PPP2R5E: variants seen among roughly 807,000 people sequenced by gnomAD.
PPP2R5E encodes the protein serine/threonine-protein phosphatase 2A 56 kDa regulatory subunit epsilon isoform.
PPP2R5E carries 4 observed loss-of-function variants against 65.3 expected under a neutral mutation model. The observed-to-expected ratio is 0.06, with a 90% CI of 0.03 to 0.14. PPP2R5E has a LOEUF of 0.14. Among genes scored for constraint, PPP2R5E ranks in the 10% least tolerant of loss-of-function variants. The pLI is 1.00. For missense variants in PPP2R5E, 274 were observed against 556.1 expected, an observed-to-expected ratio of 0.49 and a Z score of 5.10; for synonymous variants, 183 against 187.4, an observed-to-expected ratio of 0.98 and a Z score of 0.19.
intron 3 of PPP2R5E, among the ~76,000 whole-genome samples, chr14:63,437,267 A>G (rs537428393): frequency 6.6e-6 from 1 of 152,330 alleles, no homozygotes; most frequent in East Asian, 1.9e-4. Context: ...TTTAGAATAT[A>G]ATCAAGAAGT....
intron 3 of PPP2R5E, among the ~76,000 whole-genome samples, chr14:63,423,560 C>T (rs1408318052): frequency 6.6e-6 from 1 of 152,044 alleles, no homozygotes; most frequent in Non-Finnish European, 1.5e-5. Context: ...CAGGGAGGGA[C>T]AGGAGAACAT....
At chr14:63,506,095 G>A (rs1892158574) in intron 2 of PPP2R5E, among the ~76,000 whole-genome samples, 1 of 152,106 alleles carries the variant, frequency 6.6e-6, no homozygotes, top group Non-Finnish European at 1.5e-5. Context: ...GAAAATATTT[G>A]CAAATCATAT....
At chr14:63,508,788 T>C (rs1263999350) in intron 2 of PPP2R5E, among the ~76,000 whole-genome samples, 1 of 152,228 alleles carries the variant, frequency 6.6e-6, no homozygotes, top group Non-Finnish European at 1.5e-5. Flanking sequence ...TTGCTTTGCT[T>C]TCCAGCTTTC....
At chr14:63,500,125 T>C (rs1425142710) in intron 2 of PPP2R5E, among the ~76,000 whole-genome samples, 1 of 152,250 alleles carries the variant, frequency 6.6e-6, no homozygotes, top group South Asian at 2.1e-4. Context: ...TGGGTATGTT[T>C]TGGGCACTAT....
At chr14:63,522,905 A>G (rs1594969305) in intron 2 of PPP2R5E, among the ~76,000 whole-genome samples, 5 of 120,602 alleles carry the variant, frequency 4.1e-5, no homozygotes, top group South Asian at 2.9e-4. Flanking sequence ...TCCGGGAGGG[A>G]GGTCGGGGGG....
At chr14:63,504,625 CTATT>C (rs892003000) in intron 2 of PPP2R5E, among the ~76,000 whole-genome samples, 23 of 152,222 alleles carry the variant, frequency 1.5e-4, no homozygotes, top group African/African-American at 5.3e-4. Flanking sequence ...GCTTGAGAAA[CTATT>C]TACTCATCGT....
At chr14:63,530,358 G>T (rs1451161185) in intron 2 of PPP2R5E, among the ~76,000 whole-genome samples, 1 of 147,536 alleles carries the variant, frequency 6.8e-6, no homozygotes, top group Admixed American at 6.9e-5. Flanking sequence ...TCAGCCTCCC[G>T]AGTAGCTGGG....
At chr14:63,507,606 G>A (rs1892258196) in intron 2 of PPP2R5E, among the ~76,000 whole-genome samples, 1 of 123,754 alleles carries the variant, frequency 8.1e-6, no homozygotes, top group Non-Finnish European at 1.6e-5. Flanking sequence ...TTGAGACGGA[G>A]TCTTGTTCTG....
At chr14:63,525,555 G>C (rs1221559229) in intron 2 of PPP2R5E, among the ~76,000 whole-genome samples, 1 of 152,144 alleles carries the variant, frequency 6.6e-6, no homozygotes, top group East Asian at 1.9e-4. Context: ...ACCACCCAAA[G>C]CAACTGTTCC....
chr14:63,515,041 C>T (rs1892611534), intron 2 of PPP2R5E, among the ~76,000 whole-genome samples: 1 of 152,140 alleles, frequency 6.6e-6, no homozygotes, highest in Non-Finnish European at 1.5e-5. Context: ...GTGTCTTTAT[C>T]TTCAGTCTCC....
intron 5 of PPP2R5E, among the ~76,000 whole-genome samples, chr14:63,403,384 T>C (rs1377674517): frequency 2.8e-5 from 3 of 106,198 alleles, no homozygotes; most frequent in African/African-American, 1.1e-4. Context: ...CGAGAGTCTG[T>C]CTCAAAAAAA....
chr14:63,411,469 G>T (rs1886382958), intron 5 of PPP2R5E, among the ~76,000 whole-genome samples: 1 of 151,486 alleles, frequency 6.6e-6, no homozygotes, highest in African/African-American at 2.4e-5. Context: ...ATATTGCATT[G>T]ATATAGTTTG....
intron 3 of PPP2R5E, among the ~76,000 whole-genome samples, chr14:63,433,040 T>TTG (rs1887770164): frequency 7.1e-6 from 1 of 140,992 alleles, no homozygotes; most frequent in African/African-American, 2.8e-5. Context: ...TTGTTTTTTT[T>TTG]TTTTTTTTTT....
intron 2 of PPP2R5E, among the ~76,000 whole-genome samples, chr14:63,470,339 C>T (rs1172434692): frequency 1.3e-5 from 2 of 151,912 alleles, no homozygotes; most frequent in Non-Finnish European, 2.9e-5. Context: ...TCCCAAAGTG[C>T]TGGGATTACA....
chr14:63,506,142 ATTC>A (rs1318036390), intron 2 of PPP2R5E, among the ~76,000 whole-genome samples: 2 of 152,130 alleles, frequency 1.3e-5, no homozygotes, highest in Non-Finnish European at 2.9e-5. Context: ...TATAAAAAGA[ATTC>A]TTCACCTTAA....
chr14:63,433,046 T>G (rs1887771498), intron 3 of PPP2R5E, among the ~76,000 whole-genome samples: 1 of 145,876 alleles, frequency 6.9e-6, no homozygotes, highest in South Asian at 2.2e-4. Context: ...TTTTTTTTTT[T>G]TTTTTTTTTG....
At chr14:63,485,198 A>T (rs1177710124) in intron 2 of PPP2R5E, among the ~76,000 whole-genome samples, 1 of 120,492 alleles carries the variant, frequency 8.3e-6, no homozygotes, top group African/African-American at 4.5e-5. Context: ...TACTCATTTA[A>T]AAAAAAAAAA....
At chr14:63,398,965 TC>T (rs1885571019) in intron 5 of PPP2R5E, among the ~76,000 whole-genome samples, 1 of 152,168 alleles carries the variant, frequency 6.6e-6, no homozygotes, top group Non-Finnish European at 1.5e-5. Flanking sequence ...GTTTGGCAGT[TC>T]CTTAAATCTC....
At chr14:63,418,095 C>T (rs1044380400) in intron 4 of PPP2R5E, among the ~76,000 whole-genome samples, 2 of 152,188 alleles carry the variant, frequency 1.3e-5, no homozygotes, top group South Asian at 4.1e-4. Context: ...CCTAATGATC[C>T]GGACGTTGCC....
Sources: gnomAD v4.1 joint callset for allele counts (sites outside exome capture counted in the v4.1 genomes callset) on GRCh38, gnomAD v4.1.1 for gene constraint, MANE v1.5 for transcripts, NCBI Gene and HGNC (gene_info 2026-07-23, HGNC 2026-07-21) for gene names.